The following ITPK1 variants were observed in gnomAD, a reference collection of about 807,000 sequenced individuals.
The protein encoded by ITPK1 is inositol 1,3,4-trisphosphate 5/6-kinase.
A neutral mutation model predicts 45.3 loss-of-function variants in ITPK1; 21 were observed. The ratio of observed to expected loss-of-function variants is 0.46; its 90% CI spans 0.33 to 0.67. The LOEUF is 0.67. Ranked by LOEUF, ITPK1 falls within the 30% of genes least tolerant of loss-of-function variation. The pLI is 0.02. For synonymous variants in ITPK1, 258 were observed against 253.6 expected (o/e 1.02, Z -0.16); for missense variants, 474 against 573.5 (o/e 0.83, Z 1.77).
At position 93,034,497 on chromosome 14, in the gene ITPK1, T is replaced by G. The variant is rs1274745250; in HGVS notation, c.121-17696A>C. On this transcript the variant is annotated intron_variant, in intron 3 of 10. Transcript: ENST00000267615. This position sits in a 1 kb window ranked among gnomAD's most constrained non-coding sequence, Gnocchi z 4.1. ...GTGCTTTTCCTCTCCAAGAATAGAA[T>G]GGGGAGGCGGGCTCCACCACAGCTG... Among the ~76,000 whole-genome samples the G allele has an allele frequency of 3.9e-5, 6 of 152,138 alleles. No homozygotes were observed. Among genetic ancestry groups the G allele is most frequent in the Non-Finnish European group, 7.4e-5 (5 of 68,014 alleles).
At chr14:93,047,958 A>C (rs1889852399) in intron 3 of ITPK1, among the ~76,000 whole-genome samples, 1 of 152,224 alleles carries the variant, frequency 6.6e-6, no homozygotes, top group Admixed American at 6.5e-5. Context: ...ATGACAATAC[A>C]TGTGAGTTCT....
rs752269053 is a variant in ITPK1, at chr14:93,016,707, C to T, written c.215G>A (p.Ser72Asn). Residue 72 changes from serine (S) to asparagine (N), a missense_variant, in exon 4 of 11, where the codon AGC (serine) becomes AAC (asparagine). By Grantham distance (46) the Ser-to-Asn change is conservative. Coordinates refer to ENST00000267615, the MANE Select transcript of ITPK1 (RefSeq NM_014216.6). This position sits in a 1 kb window ranked among gnomAD's most constrained non-coding sequence, Gnocchi z 5.0. ...CCTGTGCACCAGCTCCAGGGACTGG[C>T]TATCATTCTGGTCGGCTTCAAGGAT... Reference protein sequence around the residue: ...DVILEADQNDSQSLELVHRFQ... With the variant: ...DVILEADQNDNQSLELVHRFQ... 5.0e-6 allele frequency: 8 copies of T among 1,614,152 alleles called. No individual in the cohort carries two copies. The Admixed American group carries it at 5.0e-5, about 10-fold the overall frequency.
At chr14:93,109,397 A>C (rs1016503134) in intron 2 of ITPK1, among the ~76,000 whole-genome samples, 1 of 152,230 alleles carries the variant, frequency 6.6e-6, no homozygotes, top group African/African-American at 2.4e-5. Flanking sequence ...AGCAATGAGA[A>C]GCGAACAGGG....
At chr14:92,987,764 G>A (rs571798437) in intron 5 of ITPK1, among the ~76,000 whole-genome samples, 2 of 152,286 alleles carry the variant, frequency 1.3e-5, no homozygotes, top group South Asian at 2.1e-4. Flanking sequence ...AGGACAGGAG[G>A]AGCCACCCTT....
chr14:93,024,062 G>T (rs1455427428), intron 3 of ITPK1, among the ~76,000 whole-genome samples: 1 of 152,180 alleles, frequency 6.6e-6, no homozygotes, highest in East Asian at 1.9e-4. Flanking sequence ...AGAAAAAAAG[G>T]GAGCATAAAA....
At chr14:92,962,930 C>T (rs1462235354) in intron 5 of ITPK1, 81 bp from the exon 6 acceptor site, 15 of 910,376 alleles carry the variant, frequency 1.6e-5, no homozygotes, top group Non-Finnish European at 2.6e-5. Context: ...CCGCCCCACC[C>T]CAGGGGCCTT....
chr14:93,085,999 C>G (rs868036376), intron 2 of ITPK1, among the ~76,000 whole-genome samples: 1 of 152,102 alleles, frequency 6.6e-6, no homozygotes, highest in Admixed American at 6.5e-5. Flanking sequence ...CCCCCTCCTC[C>G]GTCAGCCAGC....
intron 5 of ITPK1, among the ~76,000 whole-genome samples, chr14:92,974,793 A>T (rs1595101734): frequency 8.1e-6 from 1 of 123,820 alleles, no homozygotes; most frequent in Non-Finnish European, 2.0e-5. Context: ...ACTGAAAGGC[A>T]GCCTGGAGTG....
chr14:93,055,495 T>C (rs1890183063), intron 3 of ITPK1, among the ~76,000 whole-genome samples: 1 of 152,026 alleles, frequency 6.6e-6, no homozygotes, highest in Admixed American at 6.6e-5. Flanking sequence ...TCTCTCAACC[T>C]AGACACAAGT....
At position 93,076,202 on chromosome 14, in the gene ITPK1, T is replaced by C. The variant is rs1891212043; in HGVS notation, c.120+393A>G. Among the ~76,000 whole-genome samples the C allele has an allele frequency of 6.6e-6, 1 of 151,894 alleles. No homozygotes were observed. The highest frequency in any genetic ancestry group is 6.6e-5 in the Admixed American group (1 of 15,248). ...TTCTTCTTCCATCCATCCTTCTTTTTCTAGTTAATGAGCACCTGAACCAAG... is the reference window on the plus strand; with the variant it reads ...TTCTTCTTCCATCCATCCTTCTTTTCCTAGTTAATGAGCACCTGAACCAAG... On this transcript the variant is annotated intron_variant, in intron 3 of 10. Coordinates refer to ENST00000267615, the MANE Select transcript of ITPK1 (RefSeq NM_014216.6). This position sits in a 1 kb window ranked among gnomAD's most constrained non-coding sequence, Gnocchi z 4.3.
intron 10 of ITPK1, among the ~76,000 whole-genome samples, chr14:92,942,415 A>C (rs541367574): frequency 6.6e-6 from 1 of 152,280 alleles, no homozygotes; most frequent in African/African-American, 2.4e-5. Flanking sequence ...TGAGAAGAGA[A>C]GGCTGCCGCC....
chr14:93,038,743 T>A (rs1011937499), intron 3 of ITPK1, among the ~76,000 whole-genome samples: 3 of 152,180 alleles, frequency 2.0e-5, no homozygotes, highest in Admixed American at 2.0e-4. Context: ...GCCAGGCTGG[T>A]CTGGAACTCC....
At position 92,938,593 on chromosome 14, in the gene ITPK1, C is replaced by G; in HGVS notation, c.*2968G>C. Reference sequence around the variant, plus strand: ...TTTATTGACAGGCATGAGACACAGGCAGGCCCAGGCACAGGAAGCCCCATG... The same window carrying G: ...TTTATTGACAGGCATGAGACACAGGGAGGCCCAGGCACAGGAAGCCCCATG... On this transcript the variant is annotated 3_prime_UTR_variant, in exon 11 of 11. Coordinates refer to ENST00000267615, the MANE Select transcript of ITPK1 (RefSeq NM_014216.6). 2 of 1,323,650 alleles carry G rather than the reference C, an allele frequency of 1.5e-6. No homozygotes were observed. The highest frequency in any genetic ancestry group is 1.1e-6 in the Non-Finnish European group (1 of 922,900). The allele number at this position is 1,323,650 out of a possible 1,614,324, so 82.0% of individuals were successfully genotyped here.
rs767455225 is a variant in ITPK1, at chr14:93,115,287, G to C, written c.-124C>G. ...GCGGCGGGGACGCGGAACGGGGATC[G>C]GAGCTGGGGCGCGCAGTCCTGCCGC... On this transcript the variant is annotated 5_prime_UTR_variant, in exon 2 of 11. Coordinates refer to ENST00000267615, the MANE Select transcript of ITPK1 (RefSeq NM_014216.6). 1.3e-5 allele frequency: 7 copies of C among 553,314 alleles called. No homozygotes were observed. In the East Asian group the frequency reaches 2.2e-4, roughly 18 times the overall value. 34.3% of individuals were successfully genotyped at this position (553,314 alleles called of 1,614,324 possible).
At chr14:92,953,725 C>T (rs1031528852) in intron 8 of ITPK1, among the ~76,000 whole-genome samples, 1 of 152,158 alleles carries the variant, frequency 6.6e-6, no homozygotes, top group Non-Finnish European at 1.5e-5. Flanking sequence ...AAGGAGAACA[C>T]GTGGGTGCTG....
intron 3 of ITPK1, among the ~76,000 whole-genome samples, chr14:93,023,302 G>C (rs922082048): frequency 1.3e-5 from 2 of 152,214 alleles, no homozygotes; most frequent in Non-Finnish European, 2.9e-5. Flanking sequence ...CGTTTCCTGG[G>C]CAGAGCATGT....
rs1887256817 is a variant in ITPK1 at position 92,939,638 on chromosome 14, CATGG to C, written c.*1919_*1922del. The C allele has an allele frequency of 2.0e-6, 2 of 979,702 alleles. No homozygotes were observed. The highest frequency in any genetic ancestry group is 4.7e-5 in the South Asian group (1 of 21,158). 60.7% of individuals were successfully genotyped at this position (979,702 alleles called of 1,614,324 possible). A position where few individuals can be genotyped will look rare whatever the true frequency, so the allele number is the denominator to read the frequency against. On this transcript the variant is annotated 3_prime_UTR_variant, in exon 11 of 11. Transcript: ENST00000267615. Reference sequence around the variant, plus strand: ...GCCTATGGACGCCACCACGACACCACATGGCAGTTACTCGGTATCTGGGCCCTGG... The same window carrying C: ...GCCTATGGACGCCACCACGACACCACCAGTTACTCGGTATCTGGGCCCTGG...
intron 4 of ITPK1, among the ~76,000 whole-genome samples, chr14:93,002,559 A>G (rs1172172736): frequency 6.6e-6 from 1 of 152,120 alleles, no homozygotes; most frequent in Non-Finnish European, 1.5e-5. Flanking sequence ...TTTCAGGAAA[A>G]AGGGAAGCCT....
At chr14:93,104,949 G>A (rs951552491) in intron 2 of ITPK1, among the ~76,000 whole-genome samples, 1 of 152,198 alleles carries the variant, frequency 6.6e-6, no homozygotes, top group South Asian at 2.1e-4. Flanking sequence ...AACGCCACAA[G>A]TGTCTATCTG....
Sources: allele counts gnomAD v4.1 joint callset (sites outside exome capture counted in the v4.1 genomes callset), GRCh38; gene constraint gnomAD v4.1.1; non-coding constraint Gnocchi (gnomAD v3.1); transcripts MANE v1.5; gene names NCBI Gene and HGNC (gene_info 2026-07-23, HGNC 2026-07-21).